Variants in STK3 observed in about 807,000 individuals in gnomAD.
The protein encoded by STK3 is serine/threonine-protein kinase 3.
A neutral mutation model predicts 58.0 loss-of-function variants in STK3; 41 were observed. The observed-to-expected ratio is 0.71, with a 90% CI of 0.55 to 0.92. The LOEUF (loss-of-function observed/expected upper bound fraction) is 0.92. STK3 is among the 40% of genes least tolerant of loss of function. The probability of loss-of-function intolerance (pLI) is 0.00; values close to 1 mark genes in which losing one functional copy is unlikely to be tolerated. For missense variants in STK3, 479 were observed against 602.7 expected (o/e 0.79, Z 2.15); for synonymous variants, 170 against 191.0 (o/e 0.89, Z 0.91).
intron 2 of STK3, among the ~76,000 whole-genome samples, chr8:98,374,244 G>T (rs535874141): frequency 6.6e-6 from 1 of 152,328 alleles, no homozygotes; most frequent in South Asian, 2.1e-4. Context: ...CAGAGATGCA[G>T]GCTGTCTGGT....
At chr8:98,792,765 T>C (rs570856360) in intron 1 of STK3, among the ~76,000 whole-genome samples, 1 of 152,316 alleles carries the variant, frequency 6.6e-6, no homozygotes, top group African/African-American at 2.4e-5. Context: ...CCTGGGTATC[T>C]ACCCAGAGGA....
intron 3 of STK3, among the ~76,000 whole-genome samples, chr8:98,861,800 A>G (rs1204824693): frequency 6.6e-6 from 1 of 152,210 alleles, no homozygotes; most frequent in Non-Finnish European, 1.5e-5. Flanking sequence ...ATCAGAACAG[A>G]GTAAAGAGAT....
intron 1 of STK3, among the ~76,000 whole-genome samples, chr8:98,798,733 T>C (rs1833336145): frequency 6.6e-6 from 1 of 152,144 alleles, no homozygotes; most frequent in South Asian, 2.1e-4. Context: ...TGGGGTACTT[T>C]CAGAAGTTTG....
chr8:98,807,726 T>C (rs1024825176), intron 1 of STK3, among the ~76,000 whole-genome samples: 5 of 152,098 alleles, frequency 3.3e-5, no homozygotes, highest in South Asian at 2.1e-4. Context: ...GAGGAAAAGA[T>C]AGAAAATGCA....
At chr8:98,903,627 A>G (rs543659794) in intron 1 of STK3, among the ~76,000 whole-genome samples, 44 of 150,604 alleles carry the variant, frequency 2.9e-4, no homozygotes, top group Middle Eastern at 3.4e-3. Context: ...TAGCAGCCCA[A>G]CTGCTGGGTT....
chr8:98,902,622 A>G (rs902757886), intron 1 of STK3, among the ~76,000 whole-genome samples: 4 of 152,198 alleles, frequency 2.6e-5, no homozygotes, highest in African/African-American at 9.7e-5. Flanking sequence ...TCCTGGCCCA[A>G]GCCTTCTCTT....
At chr8:98,711,963 CA>C (rs761222220) in intron 4 of STK3, among the ~76,000 whole-genome samples, 4 of 152,170 alleles carry the variant, frequency 2.6e-5, no homozygotes, top group Admixed American at 6.5e-5. Flanking sequence ...AGCCAGAAGA[CA>C]GGGGGGCCAA....
chr8:98,414,141 G>A (rs375449841), intron 3 of STK3, among the ~76,000 whole-genome samples: 1 of 152,144 alleles, frequency 6.6e-6, no homozygotes, highest in East Asian at 1.9e-4. Flanking sequence ...GTGCATGCCT[G>A]TATTCTCAGC....
intron 10 of STK3, among the ~76,000 whole-genome samples, chr8:98,494,324 G>T (rs544029477): frequency 6.6e-6 from 1 of 152,242 alleles, no homozygotes; most frequent in South Asian, 2.1e-4. Context: ...TTAGGTATCT[G>T]TTTAAATGCT....
At chr8:98,827,748 G>C (rs139073935), upstream of STK3, among the ~76,000 whole-genome samples, 3 of 151,622 alleles carry the variant, frequency 2.0e-5, no homozygotes, top group East Asian at 1.9e-4. Flanking sequence ...TCAACCTCCC[G>C]GGCTCAAGCA....
the STK3 span, among the ~76,000 whole-genome samples, chr8:98,359,499 G>A: frequency 1.3e-5 from 2 of 148,640 alleles, no homozygotes; most frequent in African/African-American, 5.0e-5. Context: ...CTCCAACCTG[G>A]GCAACAGAGC....
downstream of STK3, among the ~76,000 whole-genome samples, chr8:98,399,337 G>A (rs922474984): frequency 1.3e-5 from 2 of 152,216 alleles, no homozygotes; most frequent in South Asian, 2.1e-4. Context: ...ACTGTGTGCC[G>A]GGCTACAAGC....
chr8:98,713,281 G>A (rs899320611), intron 4 of STK3, among the ~76,000 whole-genome samples: 5 of 152,190 alleles, frequency 3.3e-5, no homozygotes, highest in South Asian at 2.1e-4. Context: ...AAATAACTAA[G>A]ATCAGAGCAG....
chr8:98,941,188 C>T (rs972757341), intron 1 of STK3, among the ~76,000 whole-genome samples: 5 of 152,260 alleles, frequency 3.3e-5, no homozygotes, highest in Non-Finnish European at 5.9e-5. Context: ...CCCACCTCAG[C>T]CCTGCTGAGA....
chr8:98,589,584 T>C (rs1193132082), intron 7 of STK3, among the ~76,000 whole-genome samples: 1 of 152,238 alleles, frequency 6.6e-6, no homozygotes, highest in Non-Finnish European at 1.5e-5. Flanking sequence ...AGGTGGAGCC[T>C]ACAGATGCAG....
chr8:98,876,973 G>A (rs569774307), intron 3 of STK3, among the ~76,000 whole-genome samples: 11 of 152,090 alleles, frequency 7.2e-5, no homozygotes, highest in Non-Finnish European at 1.5e-4. Flanking sequence ...ATTTTGTTCC[G>A]CCCAGAACAA....
chr8:98,736,108 ACAT>A (rs1414304835), intron 4 of STK3, among the ~76,000 whole-genome samples: 1 of 152,166 alleles, frequency 6.6e-6, no homozygotes, highest in Non-Finnish European at 1.5e-5. Context: ...GTCAAAATAA[ACAT>A]CATCATCACA....
intron 1 of STK3, among the ~76,000 whole-genome samples, chr8:98,823,147 CA>C (rs576991609): frequency 8.0e-4 from 122 of 152,062 alleles, no homozygotes; most frequent in African/African-American, 2.8e-3. Context: ...ATTAATCCAC[CA>C]ACTTTTTAAT....
chr8:98,361,139 A>G, the STK3 span, among the ~76,000 whole-genome samples: 13,415 of 152,178 alleles, frequency 0.088, 685 homozygotes, highest in East Asian at 0.19. Context: ...TCCCAACCAG[A>G]CTGGACAAGA....
Sources: allele counts gnomAD v4.1 joint callset (sites outside exome capture counted in the v4.1 genomes callset), GRCh38; gene constraint gnomAD v4.1.1; transcripts MANE v1.5; gene names NCBI Gene and HGNC (gene_info 2026-07-23, HGNC 2026-07-21).